Variants in MYOM2 observed in about 807,000 individuals in gnomAD.
The protein encoded by MYOM2 is myomesin-2.
A neutral mutation model predicts 187.6 loss-of-function variants in MYOM2; 254 were observed. That is an observed-to-expected ratio of 1.35 (90% CI 1.22 to 1.50). The LOEUF (loss-of-function observed/expected upper bound fraction) is 1.50. MYOM2 is among the 40% of genes most tolerant of loss of function. MYOM2 has a pLI of 0.00. For missense variants in MYOM2, 2,796 were observed against 1,924.0 expected (o/e 1.45, Z -8.48); for synonymous variants, 981 against 753.8 (o/e 1.30, Z -4.94).
At chr8:2,053,570 T>C (rs547562637) in intron 3 of MYOM2, among the ~76,000 whole-genome samples, 78 of 152,262 alleles carry the variant, frequency 5.1e-4, no homozygotes, top group Non-Finnish European at 1.0e-3. Context: ...CTGTGATTCA[T>C]ATGGTTTTGG....
intron 8 of MYOM2, 99 bp from the exon 9 acceptor site, chr8:2,072,246 C>A (rs13251504): frequency 0.67 from 264,750 of 393,918 alleles, 88,049 homozygotes; most frequent in East Asian, 0.78. Flanking sequence ...CCCCCGCCCC[C>A]AAAAAAGAAA....
At chr8:2,134,855 C>G (rs938674306) in intron 32 of MYOM2, among the ~76,000 whole-genome samples, 4 of 151,994 alleles carry the variant, frequency 2.6e-5, no homozygotes, top group Non-Finnish European at 5.9e-5. Flanking sequence ...TATCTTCTGC[C>G]CCATTGCTAC....
chr8:2,135,717 G>T (rs1316326380), intron 32 of MYOM2, among the ~76,000 whole-genome samples: 1 of 152,152 alleles, frequency 6.6e-6, no homozygotes, highest in Non-Finnish European at 1.5e-5. Context: ...AAGAGGTTTT[G>T]TCATATTTGG....
At chr8:2,110,070 C>G (rs561442256) in intron 25 of MYOM2, among the ~76,000 whole-genome samples, 47 of 152,324 alleles carry the variant, frequency 3.1e-4, no homozygotes, top group Middle Eastern at 3.4e-3. Flanking sequence ...CACCTGTAAT[C>G]TCCTCACTTT....
chr8:2,078,336 G>A (rs1819504831), intron 11 of MYOM2, among the ~76,000 whole-genome samples: 2 of 152,270 alleles, frequency 1.3e-5, no homozygotes, highest in South Asian at 4.1e-4. Context: ...CCCAGCCTGG[G>A]CCTCAGACGG....
rs144859901 is a variant in MYOM2 at position 2,047,276 on chromosome 8, G to A, written c.-13+2108G>A. On this transcript the variant is annotated intron_variant, in intron 1 of 36. Transcript: ENST00000262113. ...TGCTTGCAAAGACGTCATCACACCCGGCCAGGAGGTGGTGGCCCAGGCTGG... is the reference window on the plus strand; with the variant it reads ...TGCTTGCAAAGACGTCATCACACCCAGCCAGGAGGTGGTGGCCCAGGCTGG... 1.8e-3 allele frequency among the ~76,000 whole-genome samples: 279 copies of A among 152,200 alleles called. 1 individual carries two copies. The highest frequency in any genetic ancestry group is 5.8e-3 in the African/African-American group (241 of 41,542).
chr8:2,095,104 TA>T (rs1796434373), intron 17 of MYOM2, among the ~76,000 whole-genome samples: 1 of 152,198 alleles, frequency 6.6e-6, no homozygotes. Flanking sequence ...TTTCAGAAAT[TA>T]AAATTTATCT....
At chr8:2,136,075 G>A (rs979902322) in intron 32 of MYOM2, among the ~76,000 whole-genome samples, 6 of 152,224 alleles carry the variant, frequency 3.9e-5, no homozygotes, top group African/African-American at 1.4e-4. Context: ...GAGTGGCTTT[G>A]TCTGAGTCGT....
intron 3 of MYOM2, among the ~76,000 whole-genome samples, chr8:2,056,147 A>G (rs1055692398): frequency 6.6e-6 from 1 of 152,222 alleles, no homozygotes; most frequent in Non-Finnish European, 1.5e-5. Flanking sequence ...GCAAATTACG[A>G]TCATAAAGGC....
chr8:2,142,527 C>A, intron 35 of MYOM2, 130 bp downstream of exon 35: 1 of 858,630 alleles, frequency 1.2e-6, no homozygotes, highest in Non-Finnish European at 2.0e-6. Context: ...GTAACAACGC[C>A]ACCAACACCA....
chr8:2,134,323 G>T (rs560669290), intron 32 of MYOM2, among the ~76,000 whole-genome samples: 20 of 152,144 alleles, frequency 1.3e-4, no homozygotes, highest in African/African-American at 4.3e-4. Flanking sequence ...CCTCTGTCTG[G>T]GTTTATCTGG....
chr8:2,123,263 C>T lies in MYOM2; in HGVS notation c.3465C>T (p.Thr1155=). ...TTTCTACCTCACAGGTTGCAAACAC[C>T]AAGAAAGAAACCGTTTTCAAATGGC... is the stretch of plus-strand genomic sequence containing the variant. ...EVRLVCKVAN[T]KKETVFKWLK... The change falls in exon 29 of 37, where the codon ACC becomes ACT. Residue 1155 remains threonine, a synonymous_variant. Coordinates refer to ENST00000262113, the MANE Select transcript of MYOM2 (RefSeq NM_003970.4). 6.2e-7 allele frequency: 1 copy of T among 1,611,840 alleles called. No homozygotes were observed. Among genetic ancestry groups the T allele is most frequent in the Non-Finnish European group, 8.5e-7 (1 of 1,179,218 alleles).
chr8:2,067,622 C>G (rs1490406789), intron 6 of MYOM2, among the ~76,000 whole-genome samples: 17 of 152,150 alleles, frequency 1.1e-4, no homozygotes. Flanking sequence ...CCTGGGGAAG[C>G]TGGTGGGAAG....
At chr8:2,088,717 A>T (rs902991770) in intron 14 of MYOM2, among the ~76,000 whole-genome samples, 6 of 152,192 alleles carry the variant, frequency 3.9e-5, no homozygotes, top group African/African-American at 1.4e-4. Flanking sequence ...CAGTGCTGTG[A>T]TGGTAATACA....
At chr8:2,092,562 G>A (rs1275449483) in intron 16 of MYOM2, 42 bp downstream of exon 16, 1 of 1,601,618 alleles carries the variant, frequency 6.2e-7, no homozygotes, top group South Asian at 1.1e-5. Context: ...CCTTGCAGGA[G>A]TAGCAAGACC....
At chr8:2,090,346 T>G (rs1796254946) in intron 15 of MYOM2, among the ~76,000 whole-genome samples, 155 bp downstream of exon 15, 2 of 152,366 alleles carry the variant, frequency 1.3e-5, no homozygotes, top group South Asian at 4.1e-4. Context: ...TTAAGAGCTC[T>G]CTGCCATGTT....
At chr8:2,131,191 T>C (rs1262608341) in intron 32 of MYOM2, among the ~76,000 whole-genome samples, 1 of 152,126 alleles carries the variant, frequency 6.6e-6, no homozygotes, top group African/African-American at 2.4e-5. Context: ...ATGTAGGTCA[T>C]GTTAGTGTTA....
rs1413982973 is a variant in MYOM2, at chr8:2,109,421, T to A, written c.3070T>A (p.Tyr1024Asn). ...AATTCCTCTGAAATCGGAATTAGCT[T>A]ATGAGATTTTTGATAAGGGGCGGGT... ...PTIPLKSELA[Y>N]EIFDKGRVRF... is the part of the protein sequence containing the mutation. Residue 1024 changes from tyrosine to asparagine, a missense_variant, in exon 25 of 37, where the codon TAT (tyrosine) becomes AAT (asparagine). Coordinates refer to ENST00000262113, the MANE Select transcript of MYOM2 (RefSeq NM_003970.4). 6 of 1,610,874 alleles carry A rather than the reference T, an allele frequency of 3.7e-6. No homozygotes were observed. In the African/African-American group the frequency reaches 8.0e-5, roughly 22 times the overall value.
chr8:2,060,416 T>C (rs925916127), intron 6 of MYOM2, among the ~76,000 whole-genome samples: 1 of 152,196 alleles, frequency 6.6e-6, no homozygotes. Context: ...TGTTTATATA[T>C]GTTTATATAT....
Sources: allele counts gnomAD v4.1 joint callset (sites outside exome capture counted in the v4.1 genomes callset), GRCh38; gene constraint gnomAD v4.1.1; transcripts MANE v1.5; gene names NCBI Gene and HGNC (gene_info 2026-07-23, HGNC 2026-07-21).